Variants in LRRK2 observed in about 807,000 individuals in gnomAD.
LRRK2 encodes the protein leucine rich repeat kinase 2, also known as leucine-rich repeat serine/threonine-protein kinase 2.
LRRK2 carries 203 observed loss-of-function variants against 302.6 expected under a neutral mutation model. The ratio of observed to expected loss-of-function variants is 0.67; its 90% confidence interval spans 0.60 to 0.75. LRRK2 has a LOEUF of 0.75. Ranked by LOEUF, LRRK2 falls within the 30% of genes least tolerant of loss-of-function variation. LRRK2 has a pLI of 0.00. For synonymous variants in LRRK2, 1,066 were observed against 1,031.9 expected (o/e 1.03, Z -0.63); for missense variants, 2,830 against 2,951.0 (o/e 0.96, Z 0.95).
chr12:40,359,529 C>A, intron 47 of LRRK2, 85 bp downstream of exon 47: 2 of 1,055,292 alleles, frequency 1.9e-6, no homozygotes, highest in South Asian at 1.5e-5. Flanking sequence ...GTTGATAATT[C>A]ATAAGGAAGA....
At chr12:40,341,279 G>A (rs1194761984) in intron 41 of LRRK2, among the ~76,000 whole-genome samples, 1 of 152,158 alleles carries the variant, frequency 6.6e-6, no homozygotes, top group Non-Finnish European at 1.5e-5. Context: ...CTTGCTGATT[G>A]CAACTCAATT....
chr12:40,365,224 AG>A (rs543195916), intron 49 of LRRK2, 174 bp downstream of exon 49: 67 of 619,956 alleles, frequency 1.1e-4, no homozygotes, highest in African/African-American at 1.0e-3. Context: ...ACAGAAGTGG[AG>A]GGAGTAAATG....
chr12:40,334,842 A>G (rs1294479820), intron 39 of LRRK2, 125 bp from the exon 40 acceptor site: 4 of 1,112,746 alleles, frequency 3.6e-6, no homozygotes, highest in Non-Finnish European at 5.3e-6. Flanking sequence ...GAAGAAATGG[A>G]AAGTTTGCTA....
At chr12:40,336,700 G>C (rs1310283183) in intron 40 of LRRK2, among the ~76,000 whole-genome samples, 2 of 152,208 alleles carry the variant, frequency 1.3e-5, no homozygotes, top group Admixed American at 1.3e-4. Flanking sequence ...AAACTGTACA[G>C]ATTATGAAAT....
rs761028410 is a variant in LRRK2, at chr12:40,283,929, T to A, written c.2296T>A (p.Ser766Thr). Reference protein sequence around the residue: ...KLVELLLNSGSREQDVRKALT... With the variant: ...KLVELLLNSGTREQDVRKALT... ...GGTGGAACTCTTACTGAATAGTGGA[T>A]CTCGTGAACAAGATGTACGAAAAGC... Residue 766 changes from serine to threonine, a missense_variant, in exon 19 of 51, where the codon TCT becomes ACT. Physicochemically the swap from Ser to Thr is moderately conservative, Grantham distance 58 (BLOSUM62 1). Coordinates refer to ENST00000298910, the MANE Select transcript of LRRK2 (RefSeq NM_198578.4). 6.2e-7 allele frequency: 1 copy of A among 1,613,754 alleles called. No homozygotes were observed. The highest frequency in any genetic ancestry group is 2.2e-5 in the East Asian group (1 of 44,856).
intron 3 of LRRK2, among the ~76,000 whole-genome samples, chr12:40,234,398 T>TTTTG (rs1941348720): frequency 1.0e-5 from 1 of 100,250 alleles, no homozygotes; most frequent in African/African-American, 3.5e-5. Context: ...TTTTTTTTTT[T>TTTTG]AGACAGAGTC....
chr12:40,234,504 G>A (rs182566022), intron 3 of LRRK2, among the ~76,000 whole-genome samples: 23 of 148,728 alleles, frequency 1.5e-4, no homozygotes, highest in African/African-American at 5.2e-4. Context: ...TCAGCCTCTC[G>A]AGTAGCTGGG....
At chr12:40,232,643 A>C (rs1941254885) in intron 3 of LRRK2, 1 of 276,748 alleles carries the variant, frequency 3.6e-6, no homozygotes, top group Non-Finnish European at 6.7e-6. Context: ...AAAACTGGTT[A>C]AGTTGTAGAT....
intron 47 of LRRK2, among the ~76,000 whole-genome samples, chr12:40,361,562 C>T (rs1184638580): frequency 6.6e-6 from 1 of 151,934 alleles, no homozygotes; most frequent in African/African-American, 2.4e-5. Context: ...AAGAAAGGGC[C>T]TCCAGTTTAT....
chr12:40,243,677 A>C lies in LRRK2; in HGVS notation c.834A>C (p.Thr278=). Reference sequence around the variant, plus strand: ...GTTGCTGTTTGCTCCATAGGCTTACATTAGGTGAGTTTCTTAGTTAATATG... The same window carrying C: ...GTTGCTGTTTGCTCCATAGGCTTACCTTAGGTGAGTTTCTTAGTTAATATG... ...EVSCCLLHRL[T]LGNFFNILVL... The change falls in exon 7 of 51, where the codon ACA becomes ACC. Residue 278 remains threonine, a synonymous_variant. Coordinates refer to ENST00000298910, the MANE Select transcript of LRRK2 (RefSeq NM_198578.4). 4 of 1,611,328 alleles carry C rather than the reference A, an allele frequency of 2.5e-6. No homozygotes were observed. The highest frequency in any genetic ancestry group is 2.5e-6 in the Non-Finnish European group (3 of 1,178,100).
intron 22 of LRRK2, 64 bp from the exon 23 acceptor site, chr12:40,295,363 C>G: frequency 1.3e-6 from 2 of 1,511,654 alleles, no homozygotes; most frequent in Non-Finnish European, 1.8e-6. Flanking sequence ...GCTCACTAAA[C>G]TTTTACTACA....
rs78044369 is a variant in LRRK2, at chr12:40,343,988, T to C, written c.6110-2765T>C. 6.7e-3 allele frequency among the ~76,000 whole-genome samples: 1,025 copies of C among 152,316 alleles called. 2 individuals are homozygous for C. Among genetic ancestry groups the C allele is most frequent in the Non-Finnish European group, 0.011 (742 of 68,020 alleles). ...TAGAGATCATGCCAATGAAGATATT[T>C]ACTTTGAAAAGGAGAAGATTAGAAG... On this transcript the variant is annotated intron_variant, in intron 41 of 50. Coordinates refer to ENST00000298910, the MANE Select transcript of LRRK2 (RefSeq NM_198578.4).
Position 40,232,308 on chromosome 12 carries a change from T to G in LRRK2, c.272T>G (p.Val91Gly). Residue 91 changes from valine to glycine, a missense_variant, in exon 3 of 51, where the codon GTC becomes GGC. Physicochemically the swap from Val to Gly is moderately radical, Grantham distance 109. This residue lies in a region of LRRK2 where 2,121 missense variants were observed against 2,148.0 expected (regional missense o/e 0.99). Transcript: ENST00000298910. Reference sequence around the variant, plus strand: ...TCACTTCTGTGCAAATTAATAGAAGTCTGTCCAGGTACAATGCAAAGCTTA... The same window carrying G: ...TCACTTCTGTGCAAATTAATAGAAGGCTGTCCAGGTACAATGCAAAGCTTA... ...GWSLLCKLIE[V>G]CPGTMQSLMG... 6.2e-7 allele frequency: 1 copy of G among 1,614,130 alleles called. No homozygotes were observed. The highest frequency in any genetic ancestry group is 8.5e-7 in the Non-Finnish European group (1 of 1,180,002).
chr12:40,353,001 G>A (rs1028031654), intron 44 of LRRK2, among the ~76,000 whole-genome samples: 4 of 152,162 alleles, frequency 2.6e-5, no homozygotes, highest in African/African-American at 7.2e-5. Context: ...GGTGGCAGCC[G>A]GGCAGAGGGG....
At chr12:40,275,022 G>A (rs1355869905) in intron 16 of LRRK2, 29 bp downstream of exon 16, 1 of 1,613,162 alleles carries the variant, frequency 6.2e-7, no homozygotes, top group South Asian at 1.1e-5. Flanking sequence ...AAAGAATTTG[G>A]GAACTTGTGC....
intron 43 of LRRK2, among the ~76,000 whole-genome samples, chr12:40,349,074 A>T (rs7294952): frequency 0.77 from 116,790 of 152,080 alleles, 45,700 homozygotes; most frequent in Non-Finnish European, 0.86. Context: ...TTTTGACAAG[A>T]TTTTAATCCA....
In LRRK2 at chr12:40,283,937, A is replaced by G; in HGVS notation, c.2304A>G (p.Glu768=). Residue 768 remains glutamate (E), a synonymous_variant, in exon 19 of 51, where the codon GAA becomes GAG. Coordinates refer to ENST00000298910, the MANE Select transcript of LRRK2 (RefSeq NM_198578.4). ...TCTTACTGAATAGTGGATCTCGTGA[A>G]CAAGATGTACGAAAAGCGTTGACGA... ...VELLLNSGSR[E]QDVRKALTIS... is the part of the protein sequence containing the mutation. 6.2e-7 allele frequency: 1 copy of G among 1,613,880 alleles called. No homozygotes were observed. Among genetic ancestry groups the G allele is most frequent in the South Asian group, 1.1e-5 (1 of 91,048 alleles).
In LRRK2 at chr12:40,356,187, G is replaced by A; in HGVS notation, c.6843G>A (p.Lys2281=). Residue 2281 remains lysine, a splice_region_variant and synonymous_variant, in exon 46 of 51, where the codon AAG becomes AAA. Transcript: ENST00000298910. The stretch of plus-strand genomic sequence containing the variant: ...CAATTTTTGAAGATAAGACTGTTAA[G>A]GTAAATGTTGAATGCATTCTACATC... ...KLAIFEDKTV[K]LKGAAPLKIL... 6.2e-7 allele frequency: 1 copy of A among 1,606,790 alleles called. No homozygotes were observed. The highest frequency in any genetic ancestry group is 8.5e-7 in the Non-Finnish European group (1 of 1,175,226).
In LRRK2 at chr12:40,232,317, G is replaced by C; in HGVS notation, c.281G>C (p.Gly94Ala). The C allele has an allele frequency of 6.2e-7, 1 of 1,614,100 alleles. No individual in the cohort carries two copies. The highest frequency in any genetic ancestry group is 1.1e-5 in the South Asian group (1 of 91,076). The stretch of plus-strand genomic sequence containing the variant: ...TGCAAATTAATAGAAGTCTGTCCAG[G>C]TACAATGCAAAGCTTAATGGGACCC... ...LLCKLIEVCP[G>A]TMQSLMGPQD... Residue 94 changes from glycine (G) to alanine (A), a missense_variant, in exon 3 of 51, where the codon GGT (glycine) becomes GCT (alanine). Gly to Ala is a moderately conservative substitution (Grantham distance 60). Around this residue, in one of 3 missense-constraint regions of LRRK2, gnomAD observed 2,121 missense variants for 2,148.0 expected, o/e 0.99. Coordinates refer to ENST00000298910, the MANE Select transcript of LRRK2 (RefSeq NM_198578.4).
Sources: allele counts gnomAD v4.1 joint callset (sites outside exome capture counted in the v4.1 genomes callset), GRCh38; gene constraint gnomAD v4.1.1; regional missense constraint gnomAD v4.1.1; transcripts MANE v1.5; gene names NCBI Gene and HGNC (gene_info 2026-07-23, HGNC 2026-07-21).